GPC3: variants seen among roughly 807,000 people sequenced by gnomAD.
GPC3 encodes glypican-3.
In GPC3, 3 loss-of-function variants were observed where a neutral mutation model predicts 34.4. The ratio of observed to expected loss-of-function variants is 0.09; its 90% confidence interval spans 0.04 to 0.23. GPC3 has a LOEUF of 0.23. Ranked by LOEUF, GPC3 falls within the 10% of genes least tolerant of loss-of-function variation. The probability of loss-of-function intolerance (pLI) is 1.00; values close to 1 mark genes in which losing one functional copy is unlikely to be tolerated. For missense variants in GPC3, 351 were observed against 445.6 expected, an observed-to-expected ratio of 0.79 and a Z score of 1.91; for synonymous variants, 177 against 174.0, an observed-to-expected ratio of 1.02 and a Z score of -0.13.
At chrX:133,660,800 C>T (rs1305586317) in intron 6 of GPC3, among the ~76,000 whole-genome samples, 1 of 111,855 alleles carries the variant, frequency 8.9e-6, no homozygotes, top group Non-Finnish European at 1.9e-5. Flanking sequence ...ACCTGTATAT[C>T]CAGCAAAAGC....
intron 5 of GPC3, among the ~76,000 whole-genome samples, chrX:133,678,625 G>A (rs1295499497): frequency 8.9e-6 from 1 of 111,799 alleles, no homozygotes; most frequent in Non-Finnish European, 1.9e-5. Context: ...GTAGGGGCCA[G>A]AGGGTATTTG....
intron 2 of GPC3, among the ~76,000 whole-genome samples, chrX:133,947,350 G>A (rs2076373318): frequency 9.0e-6 from 1 of 111,630 alleles, no homozygotes; most frequent in Non-Finnish European, 1.9e-5. Flanking sequence ...GGGTAAAAGA[G>A]TTCATCTGCA....
At chrX:133,882,899 C>T (rs1249103753) in intron 2 of GPC3, among the ~76,000 whole-genome samples, 1 of 110,974 alleles carries the variant, frequency 9.0e-6, no homozygotes, top group Non-Finnish European at 1.9e-5. Context: ...ATAAATTGGC[C>T]CACAGCTGCT....
At chrX:133,594,814 G>C (rs181363278) in intron 7 of GPC3, among the ~76,000 whole-genome samples, 1 of 110,557 alleles carries the variant, frequency 9.0e-6, no homozygotes, top group East Asian at 2.8e-4. Context: ...ATAATTAACA[G>C]TATTGTACTG....
At chrX:133,753,416 A>G (rs1397140916) in intron 3 of GPC3, 66 bp downstream of exon 3, 1 of 846,311 alleles carries the variant, frequency 1.2e-6, no homozygotes. Context: ...CTCCATCAGT[A>G]CCTGCTACTG....
rs1228436446 is a variant in GPC3, at chrX:133,567,719, C to T, written c.1573+28721G>A. ...GAAAGTCAACTTGGAATTCAATATA[C>T]TCCAGGTATCTGCCAAAAAGAGAAT... On this transcript the variant is annotated intron_variant, in intron 7 of 7. Transcript: ENST00000370818. 2.7e-5 allele frequency among the ~76,000 whole-genome samples: 3 copies of T among 111,842 alleles called. No individual in the cohort carries two copies. The East Asian group carries it at 8.4e-4, about 31-fold the overall frequency.
chrX:133,895,907 C>T (rs1413074580), intron 2 of GPC3, among the ~76,000 whole-genome samples: 3 of 111,782 alleles, frequency 2.7e-5, no homozygotes, highest in African/African-American at 9.8e-5. Flanking sequence ...CACCCTTGGA[C>T]TCAGCGGCCT....
chrX:133,671,463 A>T, intron 5 of GPC3: 2 of 445,879 alleles, frequency 4.5e-6, no homozygotes, highest in East Asian at 7.4e-5. Context: ...TTCATGTGAA[A>T]AAAATGTCTT....
In GPC3 at chrX:133,536,235, C is replaced by T. The variant is rs766482434; in HGVS notation, c.1632G>A (p.Pro544=). The change falls in exon 8 of 8, where the codon CCG becomes CCA. Residue 544 remains proline, a synonymous_variant. Transcript: ENST00000370818. ...GAAAGGTGCTTATCTCGTTGTCCTT[C>T]GGAGTTGCCTGCTGACTGTTTCCAG... ...DAPGNSQQAT[P]KDNEISTFHN... is the part of the protein sequence containing the mutation. The T allele has an allele frequency of 1.4e-5, 17 of 1,200,428 alleles. No individual in the cohort carries two copies. The highest frequency in any genetic ancestry group is 7.1e-5 in the African/African-American group (4 of 56,213).
intron 2 of GPC3, among the ~76,000 whole-genome samples, chrX:133,813,103 C>T (rs112080668): frequency 0.014 from 1,601 of 112,673 alleles, 41 homozygotes; most frequent in African/African-American, 0.049. Flanking sequence ...GAGCTCCTGA[C>T]AGAGTTTTTG....
At chrX:133,641,176 T>TA (rs1202483837) in intron 6 of GPC3, among the ~76,000 whole-genome samples, 3 of 108,017 alleles carry the variant, frequency 2.8e-5, no homozygotes, top group Admixed American at 9.9e-5. Flanking sequence ...ATGAGGAGGT[T>TA]AAAAAAAAAG....
At chrX:133,788,122 A>G (rs1011849456) in intron 2 of GPC3, among the ~76,000 whole-genome samples, 13 of 74,265 alleles carry the variant, frequency 1.8e-4, no homozygotes, top group Admixed American at 3.0e-4. Context: ...ATATATATAT[A>G]TGTATGTATA....
At chrX:133,613,099 T>G (rs1366718419) in intron 6 of GPC3, among the ~76,000 whole-genome samples, 1 of 110,925 alleles carries the variant, frequency 9.0e-6, no homozygotes, top group Non-Finnish European at 1.9e-5. Context: ...ACCTTAAAAA[T>G]CAAAATATCA....
intron 2 of GPC3, among the ~76,000 whole-genome samples, chrX:133,863,945 G>A (rs924547645): frequency 1.4e-3 from 159 of 111,103 alleles, no homozygotes; most frequent in African/African-American, 4.6e-3. Context: ...GTGAGCCACC[G>A]CGCCCGGCCA....
chrX:133,909,293 T>C (rs2076185252), intron 2 of GPC3, among the ~76,000 whole-genome samples: 1 of 112,572 alleles, frequency 8.9e-6, no homozygotes, highest in Non-Finnish European at 1.9e-5. Context: ...TTTCACAATC[T>C]ATGCACAAGG....
At chrX:133,836,344 G>A (rs943634494) in intron 2 of GPC3, among the ~76,000 whole-genome samples, 15 of 112,530 alleles carry the variant, frequency 1.3e-4, no homozygotes, top group Non-Finnish European at 2.6e-4. Context: ...CTACCTATGT[G>A]AAGAAAATGT....
intron 1 of GPC3, among the ~76,000 whole-genome samples, chrX:133,982,395 A>T (rs1226358533): frequency 8.9e-6 from 1 of 111,821 alleles, no homozygotes; most frequent in Non-Finnish European, 1.9e-5. Context: ...GAAGAGATCT[A>T]TGGATTTTGG....
intron 2 of GPC3, among the ~76,000 whole-genome samples, chrX:133,883,457 T>C (rs1228972915): frequency 8.9e-6 from 1 of 112,010 alleles, no homozygotes; most frequent in Non-Finnish European, 1.9e-5. Context: ...CATCCTGCCA[T>C]TAAATAGAAT....
chrX:133,752,066 G>A (rs1434212260), intron 3 of GPC3, among the ~76,000 whole-genome samples: 1 of 109,923 alleles, frequency 9.1e-6, no homozygotes. Context: ...GATGGGGTCT[G>A]TACGTTGCCC....
Sources: gnomAD v4.1 joint callset for allele counts (sites outside exome capture counted in the v4.1 genomes callset) on GRCh38, gnomAD v4.1.1 for gene constraint, MANE v1.5 for transcripts, NCBI Gene and HGNC (gene_info 2026-07-23, HGNC 2026-07-21) for gene names.